Variants in CSMD1 observed in about 807,000 individuals in gnomAD.
CSMD1 encodes the protein CUB and Sushi multiple domains 1, also known as CUB and sushi domain-containing protein 1.
Under a neutral mutation model 417.5 loss-of-function variants are expected in CSMD1, and 213 were observed. The observed-to-expected ratio is 0.51, with a 90% CI of 0.46 to 0.57. The LOEUF is 0.57. Among genes scored for constraint, CSMD1 ranks in the 20% least tolerant of loss-of-function variants. The pLI is 0.00. For missense variants in CSMD1, 6,923 were observed against 4,529.7 expected, an observed-to-expected ratio of 1.53 and a Z score of -15.17; for synonymous variants, 2,862 against 1,736.8, an observed-to-expected ratio of 1.65 and a Z score of -16.11.
intron 3 of CSMD1, among the ~76,000 whole-genome samples, chr8:4,175,762 A>G (rs1041750302): frequency 2.0e-5 from 3 of 152,194 alleles, no homozygotes; most frequent in Non-Finnish European, 4.4e-5. Context: ...ATTAAGTTAA[A>G]AAGATATAAA....
intron 3 of CSMD1, among the ~76,000 whole-genome samples, chr8:4,242,520 A>G (rs1300113761): frequency 6.6e-6 from 1 of 152,252 alleles, no homozygotes; most frequent in African/African-American, 2.4e-5. Flanking sequence ...AAGTATCTTA[A>G]AAATGTTCTT....
intron 1 of CSMD1, among the ~76,000 whole-genome samples, chr8:4,723,774 A>G (rs1225167344): frequency 7.9e-6 from 1 of 127,074 alleles, no homozygotes; most frequent in Non-Finnish European, 1.6e-5. Flanking sequence ...TAAATGCAAT[A>G]TGCTTTCGAA....
chr8:2,944,221 G>A (rs1802069472), intron 68 of CSMD1, among the ~76,000 whole-genome samples: 1 of 152,136 alleles, frequency 6.6e-6, no homozygotes, highest in Admixed American at 6.5e-5. Context: ...AAGCCAATTG[G>A]GTGTTCCCAC....
At chr8:3,187,545 G>C (rs1221028202) in intron 36 of CSMD1, among the ~76,000 whole-genome samples, 1 of 152,080 alleles carries the variant, frequency 6.6e-6, no homozygotes, top group Non-Finnish European at 1.5e-5. Context: ...TAAGAGTTGA[G>C]AACCGTTTCC....
At chr8:4,703,183 C>G (rs1044183491) in intron 1 of CSMD1, among the ~76,000 whole-genome samples, 3 of 152,132 alleles carry the variant, frequency 2.0e-5, no homozygotes, top group Non-Finnish European at 4.4e-5. Flanking sequence ...TTCAAATTTT[C>G]TTTACAAAAT....
chr8:4,231,702 C>A (rs780336196), intron 3 of CSMD1, among the ~76,000 whole-genome samples: 4 of 152,096 alleles, frequency 2.6e-5, no homozygotes, highest in Non-Finnish European at 5.9e-5. Flanking sequence ...AGTTAATAAG[C>A]CAAGTCTTAA....
At chr8:3,412,849 A>G (rs1262294277) in intron 12 of CSMD1, among the ~76,000 whole-genome samples, 1 of 152,228 alleles carries the variant, frequency 6.6e-6, no homozygotes, top group Non-Finnish European at 1.5e-5. Context: ...TCTGTCACTG[A>G]AACCGACAGT....
intron 3 of CSMD1, among the ~76,000 whole-genome samples, chr8:4,364,950 C>G (rs186810525): frequency 3.3e-5 from 5 of 149,540 alleles, no homozygotes; most frequent in Non-Finnish European, 7.4e-5. Context: ...CCGACAAAAA[C>G]GTGCAAGGGA....
rs570705624 is a variant in CSMD1 at position 4,566,795 on chromosome 8, G to T, written c.302+70547C>A. Among the ~76,000 whole-genome samples, 10 of 151,552 alleles carry T rather than the reference G, an allele frequency of 6.6e-5. No homozygotes were observed. The East Asian group carries it at 1.9e-3, about 30-fold the overall frequency. On this transcript the variant is annotated intron_variant, in intron 2 of 69. Transcript: ENST00000635120. ...TTTTAATGAATAAAATCGTATGTTT[G>T]TTTGCAAATTGTTTCAGCAAAGTTA...
intron 23 of CSMD1, among the ~76,000 whole-genome samples, chr8:3,337,670 A>C (rs1345269989): frequency 2.0e-5 from 3 of 152,194 alleles, no homozygotes; most frequent in Non-Finnish European, 2.9e-5. Flanking sequence ...AAAATGATTC[A>C]AAGACCAGTC....
intron 4 of CSMD1, among the ~76,000 whole-genome samples, chr8:4,026,820 G>C (rs1269117317): frequency 2.0e-5 from 3 of 152,174 alleles, no homozygotes; most frequent in African/African-American, 7.2e-5. Context: ...TGGCTGTAGG[G>C]AGATGACAGG....
chr8:4,248,948 C>A (rs987320420), intron 3 of CSMD1, among the ~76,000 whole-genome samples: 1 of 152,134 alleles, frequency 6.6e-6, no homozygotes, highest in Non-Finnish European at 1.5e-5. Flanking sequence ...ATGCATAATA[C>A]CATAATGCTA....
chr8:4,423,472 G>T (rs147685774), intron 2 of CSMD1, among the ~76,000 whole-genome samples: 79 of 152,130 alleles, frequency 5.2e-4, no homozygotes, highest in African/African-American at 1.9e-3. Context: ...TCAAAGAAAA[G>T]CTTCTGTATA....
At position 3,304,809 on chromosome 8, in the gene CSMD1, T is replaced by A. The variant is rs1804697543; in HGVS notation, c.3950+2886A>T. On this transcript the variant is annotated intron_variant, in intron 25 of 69. Transcript: ENST00000635120. The stretch of plus-strand genomic sequence containing the variant: ...AGTGAATCCATGACTTGGTTTGCAT[T>A]TAGAGAAAGACAATGCTCACTCTAA... 2.6e-5 allele frequency among the ~76,000 whole-genome samples: 4 copies of A among 152,204 alleles called. No homozygotes were observed. In the South Asian group the frequency reaches 6.2e-4, roughly 24 times the overall value.
At chr8:3,672,801 A>G (rs1160896126) in intron 7 of CSMD1, among the ~76,000 whole-genome samples, 2 of 152,196 alleles carry the variant, frequency 1.3e-5, no homozygotes, top group African/African-American at 4.8e-5. Flanking sequence ...ACCCTTTGCT[A>G]AACATTTTCC....
chr8:3,774,978 G>C (rs1319193296), intron 5 of CSMD1, among the ~76,000 whole-genome samples: 2 of 151,978 alleles, frequency 1.3e-5, no homozygotes, highest in East Asian at 1.9e-4. Context: ...CAATGCACTG[G>C]ACACAGGGGC....
chr8:3,596,544 G>A (rs570845546), intron 8 of CSMD1, among the ~76,000 whole-genome samples: 1 of 152,244 alleles, frequency 6.6e-6, no homozygotes, highest in Non-Finnish European at 1.5e-5. Flanking sequence ...ACTTAAATCC[G>A]TGGTTGATCA....
At chr8:3,794,422 G>C (rs1176387360) in intron 5 of CSMD1, among the ~76,000 whole-genome samples, 3 of 152,044 alleles carry the variant, frequency 2.0e-5, no homozygotes, top group Non-Finnish European at 4.4e-5. Context: ...CTGTACCTTT[G>C]TTAAATGTAG....
At chr8:4,758,883 G>C (rs946767064) in intron 1 of CSMD1, among the ~76,000 whole-genome samples, 15 of 152,134 alleles carry the variant, frequency 9.9e-5, no homozygotes, top group Non-Finnish European at 1.0e-4. Flanking sequence ...ATTTGGGTGA[G>C]GACACAAAGC....
Sources: allele counts gnomAD v4.1 joint callset (sites outside exome capture counted in the v4.1 genomes callset), GRCh38; gene constraint gnomAD v4.1.1; transcripts MANE v1.5; gene names NCBI Gene and HGNC (gene_info 2026-07-23, HGNC 2026-07-21).